Variants in CSMD2 observed in about 807,000 individuals in gnomAD.
The protein encoded by CSMD2 is CUB and sushi domain-containing protein 2.
In CSMD2, 130 loss-of-function variants were observed where a neutral mutation model predicts 398.5. The ratio of observed to expected loss-of-function variants is 0.33; its 90% CI spans 0.28 to 0.38. The LOEUF (loss-of-function observed/expected upper bound fraction) is 0.38. Ranked by LOEUF, CSMD2 falls within the 10% of genes least tolerant of loss-of-function variation. The probability of loss-of-function intolerance (pLI) is 1.00; values close to 1 mark genes in which losing one functional copy is unlikely to be tolerated. For synonymous variants in CSMD2, 1,828 were observed against 1,908.5 expected, an observed-to-expected ratio of 0.96 and a Z score of 1.10; for missense variants, 3,829 against 4,764.9, an observed-to-expected ratio of 0.80 and a Z score of 5.78.
chr1:33,514,289 TTTC>T lies in CSMD2; in HGVS notation c.*2332_*2334del, dbSNP rs1368731290. Reference sequence around the variant, plus strand: ...AAAAAAAAATTTACACCTTTTTTTTTTTCTTTTTTGGTACTGTACAAACTTTGT... The same window carrying T: ...AAAAAAAAATTTACACCTTTTTTTTTTTTTTTGGTACTGTACAAACTTTGT... On this transcript the variant is annotated 3_prime_UTR_variant, in exon 71 of 71. Coordinates refer to ENST00000373381, the MANE Select transcript of CSMD2 (RefSeq NM_001281956.2). 4 of 152,442 alleles carry T rather than the reference TTTC, an allele frequency of 2.6e-5. No homozygotes were observed. Among genetic ancestry groups the T allele is most frequent in the South Asian group, 2.1e-4 (1 of 4,818 alleles). The allele number at this position is 152,442 out of a possible 1,614,324, so 9.4% of individuals were successfully genotyped here. A position where few individuals can be genotyped will look rare whatever the true frequency, so the allele number is the denominator to read the frequency against.
At chr1:33,644,234 T>C (rs1156559049) in intron 29 of CSMD2, among the ~76,000 whole-genome samples, 1 of 152,154 alleles carries the variant, frequency 6.6e-6, no homozygotes, top group Non-Finnish European at 1.5e-5. Context: ...AAAGAGGTTT[T>C]GAAAGTATGG....
intron 16 of CSMD2, among the ~76,000 whole-genome samples, chr1:33,725,809 A>G (rs1039486767): frequency 5.3e-5 from 8 of 152,252 alleles, no homozygotes; most frequent in South Asian, 2.1e-4. Context: ...CACAATGACT[A>G]GCCTCATGGA....
In CSMD2 at chr1:34,152,099, C is replaced by A. The variant is rs60407512; in HGVS notation, c.187+12812G>T. On this transcript the variant is annotated intron_variant, in intron 1 of 70. Coordinates refer to ENST00000373381, the MANE Select transcript of CSMD2 (RefSeq NM_001281956.2). ...CTCCTGGCCTCAAGCAATCCTCCCACCTCGGCCTTCCAAACTGCTGGGATG... is the reference window on the plus strand; with the variant it reads ...CTCCTGGCCTCAAGCAATCCTCCCAACTCGGCCTTCCAAACTGCTGGGATG... 4.5e-3 allele frequency among the ~76,000 whole-genome samples: 690 copies of A among 152,300 alleles called. 7 individuals carry two copies. Among genetic ancestry groups the A allele is most frequent in the African/African-American group, 0.015 (613 of 41,556 alleles).
chr1:33,741,150 T>G (rs1025761287), intron 14 of CSMD2, among the ~76,000 whole-genome samples: 11 of 151,952 alleles, frequency 7.2e-5, no homozygotes, highest in African/African-American at 2.7e-4. Context: ...GTTCTAGGGG[T>G]GGAAGTGGGA....
intron 5 of CSMD2, among the ~76,000 whole-genome samples, chr1:33,887,384 G>A (rs1570401522): frequency 6.6e-6 from 1 of 152,092 alleles, no homozygotes; most frequent in Non-Finnish European, 1.5e-5. Context: ...ATATTTTGAG[G>A]TCAAGGGTTT....
At position 33,521,549 on chromosome 1, in the gene CSMD2, AC is replaced by A; in HGVS notation, c.10510del (p.Val3504SerfsTer157). On this transcript the variant is annotated frameshift_variant and splice_region_variant, in exon 68 of 71. Transcript: ENST00000373381. LOFTEE classifies it high-confidence loss of function. ...KDDHWALDGH[V>X]SSESSGATFI... is the part of the protein sequence containing the mutation. ...GGTGGCTCCGGAGGACTCTGACGAG[AC>A]CTGTGATGGTGGGGAGCACAGAGAG... is the stretch of plus-strand genomic sequence containing the variant. The A allele has an allele frequency of 6.2e-7, 1 of 1,603,146 alleles. No individual in the cohort carries two copies. Among genetic ancestry groups the A allele is most frequent in the South Asian group, 1.1e-5 (1 of 90,882 alleles).
At chr1:34,003,270 T>C (rs1472070866) in intron 3 of CSMD2, among the ~76,000 whole-genome samples, 2 of 152,242 alleles carry the variant, frequency 1.3e-5, no homozygotes, top group African/African-American at 4.8e-5. Flanking sequence ...TTGAGGTCTT[T>C]ACAGTGGAAT....
intron 3 of CSMD2, among the ~76,000 whole-genome samples, chr1:33,963,335 T>G (rs1645436134): frequency 6.6e-6 from 1 of 152,248 alleles, no homozygotes; most frequent in Admixed American, 6.5e-5. Flanking sequence ...ATTTATTTGG[T>G]CTTGGATGAG....
chr1:33,989,464 A>C (rs1283924953), intron 3 of CSMD2, among the ~76,000 whole-genome samples: 1 of 152,218 alleles, frequency 6.6e-6, no homozygotes, highest in African/African-American at 2.4e-5. Flanking sequence ...TAGTAATTTC[A>C]TTCCTAAGAA....
chr1:33,798,884 G>A (rs1372110303), intron 10 of CSMD2, among the ~76,000 whole-genome samples: 1 of 152,234 alleles, frequency 6.6e-6, no homozygotes, highest in Non-Finnish European at 1.5e-5. Flanking sequence ...TCCAGGTGCT[G>A]CCAGCATGTG....
chr1:33,917,901 T>TAA (rs1643806827), intron 5 of CSMD2, among the ~76,000 whole-genome samples, 193 bp downstream of exon 5: 1 of 152,182 alleles, frequency 6.6e-6, no homozygotes. Flanking sequence ...AAAATCACTA[T>TAA]AAAAATTACC....
chr1:34,081,619 C>A (rs888627363), intron 2 of CSMD2, among the ~76,000 whole-genome samples: 3 of 152,140 alleles, frequency 2.0e-5, no homozygotes, highest in African/African-American at 7.2e-5. Flanking sequence ...GGGGTTTCGC[C>A]GTGTTGGCCG....
At chr1:33,791,688 A>T (rs1654332270) in intron 11 of CSMD2, among the ~76,000 whole-genome samples, 1 of 152,102 alleles carries the variant, frequency 6.6e-6, no homozygotes, top group Admixed American at 6.5e-5. Context: ...GGTTTTCAAC[A>T]TGTTGCCCAG....
chr1:33,634,497 A>G (rs1326606483), intron 31 of CSMD2, among the ~76,000 whole-genome samples: 1 of 152,054 alleles, frequency 6.6e-6, no homozygotes, highest in Non-Finnish European at 1.5e-5. Flanking sequence ...GTGTTTAGAT[A>G]TGGTTGTTAG....
intron 67 of CSMD2, 150 bp from the exon 68 acceptor site, chr1:33,521,700 T>G (rs1457866738): frequency 1.5e-6 from 1 of 650,102 alleles, no homozygotes; most frequent in East Asian, 2.7e-5. Flanking sequence ...TAGGCAAGGG[T>G]GGGTGTGACC....
chr1:33,870,864 A>C (rs571042720), intron 5 of CSMD2: 1 of 152,150 alleles, frequency 6.6e-6, no homozygotes, highest in South Asian at 2.1e-4. Flanking sequence ...CTTCTCTCTC[A>C]CTTGAAGCAA....
At chr1:33,804,907 G>C in intron 10 of CSMD2, 1 of 717,224 alleles carries the variant, frequency 1.4e-6, no homozygotes, top group Non-Finnish European at 2.6e-6. Context: ...GCCTGGATCA[G>C]GATAGGGTTC....
At chr1:33,826,241 C>T (rs568606843) in intron 6 of CSMD2, among the ~76,000 whole-genome samples, 5 of 152,356 alleles carry the variant, frequency 3.3e-5, no homozygotes, top group African/African-American at 9.6e-5. Flanking sequence ...TGTCACTACT[C>T]ATTGTATTCT....
At chr1:33,907,945 G>C (rs1643205011) in intron 5 of CSMD2, among the ~76,000 whole-genome samples, 1 of 151,988 alleles carries the variant, frequency 6.6e-6, no homozygotes, top group Admixed American at 6.6e-5. Context: ...AAATTAGCTG[G>C]GCATGGTGGC....
Sources: gnomAD v4.1 joint callset for allele counts (sites outside exome capture counted in the v4.1 genomes callset) on GRCh38, gnomAD v4.1.1 for gene constraint, MANE v1.5 for transcripts, NCBI Gene and HGNC (gene_info 2026-07-23, HGNC 2026-07-21) for gene names.